Variants in FAM53B observed in about 807,000 individuals in gnomAD.
FAM53B encodes family with sequence similarity 53 member B, also known as protein FAM53B.
In FAM53B, 12 loss-of-function variants were observed where a neutral mutation model predicts 32.7. The ratio of observed to expected loss-of-function variants is 0.37; its 90% CI spans 0.24 to 0.59. The LOEUF (loss-of-function observed/expected upper bound fraction) is 0.59, where lower values mean the gene tolerates loss of function less well. Among genes scored for constraint, FAM53B ranks in the 20% least tolerant of loss-of-function variants. FAM53B has a pLI of 0.72. For missense variants in FAM53B, 477 were observed against 577.7 expected (o/e 0.83, Z 1.79); for synonymous variants, 234 against 228.7 (o/e 1.02, Z -0.21).
At chr10:124,672,720 G>A (rs1003155725) in intron 4 of FAM53B, among the ~76,000 whole-genome samples, 1 of 152,230 alleles carries the variant, frequency 6.6e-6, no homozygotes, top group African/African-American at 2.4e-5. Flanking sequence ...CTTGGGCAAA[G>A]GAGTCAGAGG....
chr10:124,654,174 T>C (rs937325324), intron 4 of FAM53B, among the ~76,000 whole-genome samples: 1 of 152,182 alleles, frequency 6.6e-6, no homozygotes, highest in African/African-American at 2.4e-5. Context: ...TTAGGAAGCA[T>C]TGTGAGAAAA....
At chr10:124,714,692 G>A (rs1950027933) in intron 1 of FAM53B, among the ~76,000 whole-genome samples, 1 of 148,646 alleles carries the variant, frequency 6.7e-6, no homozygotes, top group Non-Finnish European at 1.5e-5. Context: ...CCGGGAGGCA[G>A]AGCTTGCAGT....
At chr10:124,632,798 G>A (rs975073448) in intron 4 of FAM53B, among the ~76,000 whole-genome samples, 6 of 152,230 alleles carry the variant, frequency 3.9e-5, no homozygotes, top group African/African-American at 2.4e-5. Context: ...GCACAGCTGC[G>A]TGATGTGCAA....
At chr10:124,701,956 A>G (rs959370101) in intron 2 of FAM53B, among the ~76,000 whole-genome samples, 1 of 152,240 alleles carries the variant, frequency 6.6e-6, no homozygotes, top group Non-Finnish European at 1.5e-5. Flanking sequence ...ACCCCTAAGA[A>G]GGCTGGGAGG....
intron 4 of FAM53B, among the ~76,000 whole-genome samples, chr10:124,652,633 C>T (rs1949563883): frequency 6.6e-6 from 1 of 152,184 alleles, no homozygotes; most frequent in South Asian, 2.1e-4. Context: ...AGGGCTATCA[C>T]AAACACCAGT....
At chr10:124,727,385 C>T (rs1171813878) in intron 1 of FAM53B, among the ~76,000 whole-genome samples, 2 of 150,616 alleles carry the variant, frequency 1.3e-5, no homozygotes, top group Non-Finnish European at 2.9e-5. Context: ...CCCAGTATCA[C>T]AGGGCCATTC....
chr10:124,650,034 T>C (rs1384780222), intron 4 of FAM53B, among the ~76,000 whole-genome samples: 1 of 152,180 alleles, frequency 6.6e-6, no homozygotes, highest in Non-Finnish European at 1.5e-5. Context: ...ATCTACTAGA[T>C]ATTTCTAGCA....
chr10:124,727,255 C>T (rs1022059633), intron 1 of FAM53B, among the ~76,000 whole-genome samples: 3 of 144,242 alleles, frequency 2.1e-5, no homozygotes, highest in Admixed American at 7.5e-5. Flanking sequence ...TGGGCTCAAG[C>T]GATCTGCCTG....
At chr10:124,727,337 G>A (rs1352430560) in intron 1 of FAM53B, among the ~76,000 whole-genome samples, 2 of 148,066 alleles carry the variant, frequency 1.4e-5, no homozygotes, top group African/African-American at 5.0e-5. Context: ...TTGTGGGGGG[G>A]GGGGGGGTGC....
intron 1 of FAM53B, among the ~76,000 whole-genome samples, chr10:124,726,286 C>A (rs765670489): frequency 6.6e-6 from 1 of 152,304 alleles, no homozygotes; most frequent in East Asian, 1.9e-4. Context: ...CTACTACCCA[C>A]CCCCAGCATG....
chr10:124,631,631 G>A (rs1459678245), intron 4 of FAM53B, among the ~76,000 whole-genome samples: 1 of 152,170 alleles, frequency 6.6e-6, no homozygotes, highest in African/African-American at 2.4e-5. Context: ...CCACTCTCGG[G>A]CTGGCCTTTC....
intron 1 of FAM53B, among the ~76,000 whole-genome samples, chr10:124,724,443 G>A (rs1464044679): frequency 2.6e-5 from 4 of 152,124 alleles, no homozygotes; most frequent in African/African-American, 7.2e-5. Flanking sequence ...GCCACAAGCC[G>A]CCACCCTGCT....
intron 4 of FAM53B, among the ~76,000 whole-genome samples, chr10:124,658,694 G>A (rs146319974): frequency 2.0e-5 from 3 of 152,350 alleles, no homozygotes; most frequent in African/African-American, 7.2e-5. Context: ...GGTGCCTCCA[G>A]CAACATCCCT....
intron 1 of FAM53B, among the ~76,000 whole-genome samples, chr10:124,710,951 C>G (rs938645853): frequency 1.3e-4 from 20 of 152,316 alleles, no homozygotes; most frequent in Admixed American, 3.3e-4. Flanking sequence ...AAACAACTAC[C>G]AGCAAGAGTT....
intron 4 of FAM53B, among the ~76,000 whole-genome samples, chr10:124,655,376 C>A (rs1949582856): frequency 6.6e-6 from 1 of 152,084 alleles, no homozygotes; most frequent in Non-Finnish European, 1.5e-5. Flanking sequence ...AAAGCCACAC[C>A]CTCCTGGGTG....
chr10:124,743,444 C>T (rs1950211837), intron 1 of FAM53B, among the ~76,000 whole-genome samples: 1 of 140,976 alleles, frequency 7.1e-6, no homozygotes, highest in African/African-American at 2.5e-5. Context: ...GACAGAATGC[C>T]CCCTCACCCC....
chr10:124,717,893 G>C (rs150453407), intron 1 of FAM53B, among the ~76,000 whole-genome samples: 109 of 152,130 alleles, frequency 7.2e-4, no homozygotes, highest in Non-Finnish European at 6.9e-4. Flanking sequence ...ATGAGCTCTC[G>C]GACTCTCCCT....
chr10:124,668,301 C>A (rs1949686541), intron 4 of FAM53B, among the ~76,000 whole-genome samples: 1 of 152,264 alleles, frequency 6.6e-6, no homozygotes, highest in Non-Finnish European at 1.5e-5. Flanking sequence ...TGTTTCTGAG[C>A]AGGACCACAG....
At chr10:124,655,853 A>G (rs995396664) in intron 4 of FAM53B, among the ~76,000 whole-genome samples, 16 of 152,102 alleles carry the variant, frequency 1.1e-4, no homozygotes, top group African/African-American at 3.1e-4. Flanking sequence ...CTTTGCTCTT[A>G]ATATTGTCTA....
Sources: gnomAD v4.1 joint callset for allele counts (sites outside exome capture counted in the v4.1 genomes callset) on GRCh38, gnomAD v4.1.1 for gene constraint, MANE v1.5 for transcripts, NCBI Gene and HGNC (gene_info 2026-07-23, HGNC 2026-07-21) for gene names.